CNTNAP2: variants seen among roughly 807,000 people sequenced by gnomAD.
The protein encoded by CNTNAP2 is contactin-associated protein-like 2.
CNTNAP2 carries 98 observed loss-of-function variants against 155.2 expected under a neutral mutation model. That is an observed-to-expected ratio of 0.63 (90% CI 0.54 to 0.75). The LOEUF (loss-of-function observed/expected upper bound fraction) is 0.75. Ranked by LOEUF, CNTNAP2 falls within the 30% of genes least tolerant of loss-of-function variation. The pLI, the probability that CNTNAP2 is intolerant of heterozygous loss-of-function variation, is 0.00. For synonymous variants in CNTNAP2, 651 were observed against 631.2 expected, an observed-to-expected ratio of 1.03 and a Z score of -0.47; for missense variants, 1,727 against 1,688.1, an observed-to-expected ratio of 1.02 and a Z score of -0.40.
At chr7:147,351,846 C>A (rs1795972755) in intron 9 of CNTNAP2, among the ~76,000 whole-genome samples, 1 of 151,904 alleles carries the variant, frequency 6.6e-6, no homozygotes, top group Admixed American at 6.6e-5. Context: ...TTCCCCAAGA[C>A]AAGAAGTTCT....
At chr7:146,973,391 C>A (rs527822898) in intron 3 of CNTNAP2, among the ~76,000 whole-genome samples, 1 of 152,292 alleles carries the variant, frequency 6.6e-6, no homozygotes, top group African/African-American at 2.4e-5. Flanking sequence ...ATGGACAGTG[C>A]AGATGTAGAT....
chr7:147,226,874 A>G (rs776530379), intron 8 of CNTNAP2, among the ~76,000 whole-genome samples: 4 of 152,242 alleles, frequency 2.6e-5, no homozygotes, highest in Non-Finnish European at 2.9e-5. Context: ...TTATTTAGTG[A>G]CTACCTTTAT....
intron 1 of CNTNAP2, among the ~76,000 whole-genome samples, chr7:146,768,537 T>A (rs1802238968): frequency 6.6e-6 from 1 of 151,834 alleles, no homozygotes; most frequent in South Asian, 2.1e-4. Context: ...AAAGGAATAG[T>A]CATAACACGT....
intron 13 of CNTNAP2, among the ~76,000 whole-genome samples, chr7:147,765,987 C>T (rs144931774): frequency 0.011 from 1,678 of 152,194 alleles, 99 homozygotes; most frequent in Admixed American, 0.088. Flanking sequence ...GTTGACACTA[C>T]GATTTTATTT....
At chr7:147,852,694 C>T (rs970529998) in intron 13 of CNTNAP2, among the ~76,000 whole-genome samples, 1 of 152,158 alleles carries the variant, frequency 6.6e-6, no homozygotes, top group African/African-American at 2.4e-5. Context: ...TGTCATCTCA[C>T]GGCTGACACC....
chr7:147,471,931 T>C (rs1201365909), intron 10 of CNTNAP2, among the ~76,000 whole-genome samples: 3 of 152,178 alleles, frequency 2.0e-5, no homozygotes, highest in Non-Finnish European at 2.9e-5. Context: ...GGAAATTGCA[T>C]TTAAGGGAAG....
At chr7:147,241,238 G>T (rs957999839) in intron 8 of CNTNAP2, among the ~76,000 whole-genome samples, 1 of 152,158 alleles carries the variant, frequency 6.6e-6, no homozygotes, top group African/African-American at 2.4e-5. Context: ...TTTTCACTTT[G>T]TTAGAATTCT....
chr7:148,062,000 TAGATAG>T (rs1803160852), intron 15 of CNTNAP2, among the ~76,000 whole-genome samples: 1 of 104,310 alleles, frequency 9.6e-6, no homozygotes, highest in Admixed American at 9.7e-5. Flanking sequence ...GATAGATAGA[TAGATAG>T]ATGATAGAGA....
chr7:146,253,296 C>G (rs1431643374), intron 1 of CNTNAP2, among the ~76,000 whole-genome samples: 1 of 152,204 alleles, frequency 6.6e-6, no homozygotes, highest in African/African-American at 2.4e-5. Context: ...GCCAACCTAA[C>G]AAATTCTGTT....
chr7:147,405,985 A>C (rs1265309793), intron 10 of CNTNAP2, among the ~76,000 whole-genome samples: 3 of 152,198 alleles, frequency 2.0e-5, no homozygotes, highest in Non-Finnish European at 2.9e-5. Context: ...TCTAACAACG[A>C]GTCATTGAGG....
chr7:146,696,919 G>A (rs1159849959), intron 1 of CNTNAP2, among the ~76,000 whole-genome samples: 1 of 152,186 alleles, frequency 6.6e-6, no homozygotes, highest in South Asian at 2.1e-4. Context: ...GCTGTGTTTT[G>A]TGACCTAGAA....
chr7:146,812,642 A>G (rs1039193879), intron 2 of CNTNAP2, among the ~76,000 whole-genome samples: 6 of 152,074 alleles, frequency 3.9e-5, no homozygotes, highest in African/African-American at 1.2e-4. Context: ...GTGATAGAAA[A>G]GAAAAACCCG....
At chr7:146,723,964 G>A (rs73168727) in intron 1 of CNTNAP2, among the ~76,000 whole-genome samples, 5,213 of 152,094 alleles carry the variant, frequency 0.034, 134 homozygotes, top group East Asian at 0.12. Context: ...GTTTTGTTTT[G>A]TAGTAATATG....
intron 13 of CNTNAP2, among the ~76,000 whole-genome samples, chr7:147,669,856 A>G (rs892712513): frequency 6.6e-6 from 1 of 152,104 alleles, no homozygotes; most frequent in Non-Finnish European, 1.5e-5. Context: ...GCTACCATAA[A>G]CTAAATTATG....
At chr7:146,682,498 T>C (rs577251525) in intron 1 of CNTNAP2, among the ~76,000 whole-genome samples, 2 of 152,296 alleles carry the variant, frequency 1.3e-5, no homozygotes, top group African/African-American at 4.8e-5. Flanking sequence ...TAATATCTAA[T>C]ATACATTTTA....
intron 10 of CNTNAP2, among the ~76,000 whole-genome samples, chr7:147,400,765 A>T (rs1342332509): frequency 1.3e-5 from 2 of 152,176 alleles, no homozygotes; most frequent in Non-Finnish European, 2.9e-5. Flanking sequence ...CCTTGGTAAA[A>T]TGTAGAACTG....
In CNTNAP2 at chr7:146,861,298, C is replaced by T. The variant is rs568525135; in HGVS notation, c.402+21394C>T. Among the ~76,000 whole-genome samples, 18 of 152,256 alleles carry T rather than the reference C, an allele frequency of 1.2e-4. 1 individual carries two copies. In the East Asian group the frequency reaches 1.9e-3, roughly 16 times the overall value. On this transcript the variant is annotated intron_variant, in intron 3 of 23. Transcript: ENST00000361727. Reference sequence around the variant, plus strand: ...GAATTCCTGACCTCAGGAGATCCACCTGCCTCGGCCTCCCAAAGTGCTGGG... The same window carrying T: ...GAATTCCTGACCTCAGGAGATCCACTTGCCTCGGCCTCCCAAAGTGCTGGG...
At position 147,965,349 on chromosome 7, in the gene CNTNAP2, T is replaced by C. The variant is rs186368501; in HGVS notation, c.2256-12513T>C. ...TTCAGTTCCTAGTCTATATACAAAA[T>C]TGCTTAATGCTAAAACTCCTCTAGT... On this transcript the variant is annotated intron_variant, in intron 14 of 23. Coordinates refer to ENST00000361727, the MANE Select transcript of CNTNAP2 (RefSeq NM_014141.6). Among the ~76,000 whole-genome samples the C allele has an allele frequency of 1.2e-3, 177 of 152,224 alleles. 1 individual carries two copies. The highest frequency in any genetic ancestry group is 4.0e-3 in the African/African-American group (167 of 41,552).
At chr7:148,368,830 A>G (rs1798832044) in intron 21 of CNTNAP2, among the ~76,000 whole-genome samples, 1 of 152,174 alleles carries the variant, frequency 6.6e-6, no homozygotes, top group African/African-American at 2.4e-5. Context: ...AGAACAGACC[A>G]GGAAGTTTCA....
Sources: gnomAD v4.1 joint callset for allele counts (sites outside exome capture counted in the v4.1 genomes callset) on GRCh38, gnomAD v4.1.1 for gene constraint, MANE v1.5 for transcripts, NCBI Gene and HGNC (gene_info 2026-07-23, HGNC 2026-07-21) for gene names.